The following OR3A2 variants were observed in gnomAD, a reference collection of about 807,000 sequenced individuals.
OR3A2 encodes olfactory receptor family 3 subfamily A member 2.
For synonymous variants in OR3A2, 126 were observed against 159.3 expected, an observed-to-expected ratio of 0.79 and a Z score of 1.57; for missense variants, 318 against 392.8, an observed-to-expected ratio of 0.81 and a Z score of 1.61.
chr17:3,385,136 G>A (rs1567575021), intron 1 of OR3A2, among the ~76,000 whole-genome samples: 1 of 152,220 alleles, frequency 6.6e-6, no homozygotes, highest in Non-Finnish European at 1.5e-5. Flanking sequence ...AGAGGTTGCG[G>A]TGAGCTGAGA....
chr17:3,341,136 C>T (rs2049314564), intron 2 of OR3A2, among the ~76,000 whole-genome samples: 1 of 152,078 alleles, frequency 6.6e-6, no homozygotes, highest in Admixed American at 6.5e-5. Context: ...TTCCTCCATC[C>T]CTTTATTTTG....
intron 2 of OR3A2, among the ~76,000 whole-genome samples, chr17:3,362,245 G>A (rs530216593): frequency 6.6e-6 from 1 of 151,700 alleles, no homozygotes; most frequent in Non-Finnish European, 1.5e-5. Context: ...TTGTATTTCT[G>A]TGGGATTGGT....
intron 3 of OR3A2, among the ~76,000 whole-genome samples, chr17:3,324,057 CT>C (rs1482330495): frequency 6.6e-6 from 1 of 152,020 alleles, no homozygotes; most frequent in Admixed American, 6.6e-5. Context: ...TTGTTCATTT[CT>C]TTTTGTTCTT....
intron 3 of OR3A2, among the ~76,000 whole-genome samples, chr17:3,331,654 G>T (rs994992271): frequency 1.3e-5 from 2 of 151,446 alleles, no homozygotes; most frequent in African/African-American, 4.9e-5. Flanking sequence ...TTTGCCTTTG[G>T]TTTGAATGTC....
chr17:3,351,720 A>G (rs866843265), intron 2 of OR3A2, among the ~76,000 whole-genome samples: 1,657 of 150,924 alleles, frequency 0.011, 13 homozygotes, highest in Middle Eastern at 0.027. Context: ...AGCCCGCATC[A>G]CCAAGTCAAT....
chr17:3,325,998 C>T (rs1026365912), intron 3 of OR3A2, among the ~76,000 whole-genome samples: 1 of 151,990 alleles, frequency 6.6e-6, no homozygotes, highest in African/African-American at 2.4e-5. Context: ...TGTCCATGTG[C>T]TCTCATAGTT....
At position 3,386,282 on chromosome 17, in the gene OR3A2, T is replaced by C. The variant is rs909508498; in HGVS notation, c.-432A>G. ...ACCGAGAGCTACCTCCTGGCGGCCA[T>C]GTCCTACGACCGCCCGACGGCGGCG... On this transcript the variant is annotated 5_prime_UTR_variant, in exon 1 of 5. The change abolishes an upstream ATG in the 5' untranslated region. Transcript: ENST00000573491. 2 of 398,218 alleles carry C rather than the reference T, an allele frequency of 5.0e-6. No individual in the cohort carries two copies. The highest frequency in any genetic ancestry group is 4.4e-6 in the Non-Finnish European group (1 of 226,080). 24.7% of individuals were successfully genotyped at this position (398,218 alleles called of 1,614,324 possible).
intron 2 of OR3A2, among the ~76,000 whole-genome samples, chr17:3,349,551 A>G (rs1026015916): frequency 2.0e-5 from 3 of 152,186 alleles, no homozygotes; most frequent in African/African-American, 7.2e-5. Flanking sequence ...AGTGATCTAC[A>G]AAGAGACTTA....
intron 2 of OR3A2, among the ~76,000 whole-genome samples, chr17:3,372,368 C>T (rs1390257205): frequency 6.7e-5 from 10 of 149,416 alleles, no homozygotes; most frequent in East Asian, 2.5e-4. Context: ...GGGCTCCTCA[C>T]GTCCCAGACG....
At chr17:3,339,506 G>A (rs543426564) in intron 2 of OR3A2, among the ~76,000 whole-genome samples, 1 of 152,270 alleles carries the variant, frequency 6.6e-6, no homozygotes, top group African/African-American at 2.4e-5. Context: ...TTTGTCAAAG[G>A]CCTTTTCTGC....
At chr17:3,363,746 G>C (rs1047755195) in intron 2 of OR3A2, among the ~76,000 whole-genome samples, 1 of 152,178 alleles carries the variant, frequency 6.6e-6, no homozygotes, top group Non-Finnish European at 1.5e-5. Flanking sequence ...TTTATGAAGA[G>C]GTTTGGTTGA....
intron 3 of OR3A2, chr17:3,310,812 C>A (rs9911226): frequency 0.1 from 81,577 of 807,956 alleles, 7,671 homozygotes; most frequent in African/African-American, 0.4. Context: ...TGCCCTGTCT[C>A]CTCTTAACTT....
In OR3A2 at chr17:3,311,439, C is replaced by G; in HGVS notation, c.-85+24594G>C. 1 of 467,184 alleles carries G rather than the reference C, an allele frequency of 2.1e-6. No individual in the cohort carries two copies. 28.9% of individuals were successfully genotyped at this position (467,184 alleles called of 1,614,324 possible). The stretch of plus-strand genomic sequence containing the variant: ...TCCAGGGTGCCCTGGTGGGAATTTG[C>G]TGCACTGTCTCCTTCATCAATGCTC... On this transcript the variant is annotated intron_variant, in intron 3 of 4. Coordinates refer to the OR3A2 transcript ENST00000573491. The surrounding 1 kb of genome is among the most constrained non-coding windows in gnomAD (Gnocchi z 4.6).
At chr17:3,279,508 C>A (rs2048764515) in intron 1 of OR3A2, among the ~76,000 whole-genome samples, 1 of 152,138 alleles carries the variant, frequency 6.6e-6, no homozygotes, top group Admixed American at 6.5e-5. Context: ...AAAAACATAA[C>A]CCAGGCTGGG....
At chr17:3,378,217 T>C (rs2049700840) in intron 2 of OR3A2, among the ~76,000 whole-genome samples, 1 of 152,222 alleles carries the variant, frequency 6.6e-6, no homozygotes, top group Admixed American at 6.5e-5. Context: ...GAGGCATCTG[T>C]AGGCCCATGC....
intron 2 of OR3A2, among the ~76,000 whole-genome samples, chr17:3,339,726 TA>T (rs1336904930): frequency 6.6e-6 from 1 of 152,202 alleles, no homozygotes; most frequent in Non-Finnish European, 1.5e-5. Context: ...GATATTGGTC[TA>T]AAATTCTTTT....
intron 2 of OR3A2, among the ~76,000 whole-genome samples, chr17:3,376,700 A>C (rs1271869619): frequency 6.6e-6 from 1 of 152,170 alleles, no homozygotes; most frequent in Non-Finnish European, 1.5e-5. Flanking sequence ...CCAGGCTACC[A>C]GCCTCCCCAC....
intron 2 of OR3A2, among the ~76,000 whole-genome samples, chr17:3,372,837 GA>G (rs2049642723): frequency 1.5e-5 from 2 of 129,744 alleles, no homozygotes; most frequent in African/African-American, 6.0e-5. Context: ...GGAGAGGGAG[GA>G]GAAGGAGAAG....
chr17:3,353,035 T>C (rs1406488457), intron 2 of OR3A2, among the ~76,000 whole-genome samples: 1 of 151,806 alleles, frequency 6.6e-6, no homozygotes, highest in Non-Finnish European at 1.5e-5. Context: ...CCTTTTCAGA[T>C]TGTTCACTGT....
Sources: gnomAD v4.1 joint callset for allele counts (sites outside exome capture counted in the v4.1 genomes callset) on GRCh38, gnomAD v4.1.1 for gene constraint, Gnocchi (gnomAD v3.1) non-coding constraint, MANE v1.5 for transcripts, NCBI Gene and HGNC (gene_info 2026-07-23, HGNC 2026-07-21) for gene names.